Variants in EIF3B observed in about 807,000 individuals in gnomAD.
The protein encoded by EIF3B is eukaryotic translation initiation factor 3 subunit 9.
Under a neutral mutation model 104.6 loss-of-function variants are expected in EIF3B, and 10 were observed. The observed-to-expected ratio is 0.10, with a 90% CI of 0.06 to 0.16. The LOEUF is 0.16. Among genes scored for constraint, EIF3B ranks in the 10% least tolerant of loss-of-function variants. EIF3B has a pLI of 1.00. For synonymous variants in EIF3B, 542 were observed against 417.2 expected (o/e 1.30, Z -3.65); for missense variants, 1,014 against 1,087.9 (o/e 0.93, Z 0.96).
Position 2,366,697 on chromosome 7 carries a change from A to G in EIF3B, c.1356+106A>G. The G allele has an allele frequency of 4.5e-6, 6 of 1,324,568 alleles. No individual in the cohort carries two copies. The South Asian group carries it at 5.1e-5, about 11-fold the overall frequency. 82.1% of individuals were successfully genotyped at this position (1,324,568 alleles called of 1,614,324 possible). A position where few individuals can be genotyped will look rare whatever the true frequency, so the allele number is the denominator to read the frequency against. ...AGAAGAGGAGGAGGAGGTTTCACAG[A>G]TGCATAGGAAAGGCCTGTCTCCTGT... On this transcript the variant is annotated intron_variant, in intron 8 of 18. Transcript: ENST00000360876.
At chr7:2,380,076 G>T in intron 18 of EIF3B, 128 bp from the exon 19 acceptor site, 1 of 300,104 alleles carries the variant, frequency 3.3e-6, no homozygotes, top group South Asian at 2.8e-5. Flanking sequence ...GGTGGCACAC[G>T]GGCTCAGCTC....
At position 2,369,679 on chromosome 7, in the gene EIF3B, C is replaced by T; in HGVS notation, c.1611C>T (p.Thr537=). Residue 537 remains threonine (T), a synonymous_variant, in exon 10 of 19, where the codon ACC becomes ACT. Transcript: ENST00000360876. The part of the protein sequence containing the change: ...CVKVDRTPKG[T]QGVVTNFEIF... ...AAGTAGATAGGACTCCGAAAGGCAC[C>T]CAGGTATGTAGATTCCCACAGGAAC... 6.2e-7 allele frequency: 1 copy of T among 1,613,442 alleles called. No individual in the cohort carries two copies. Among genetic ancestry groups the T allele is most frequent in the South Asian group, 1.1e-5 (1 of 91,046 alleles).
At position 2,355,354 on chromosome 7, in the gene EIF3B, A is replaced by T; in HGVS notation, c.433A>T (p.Asn145Tyr). The T allele has an allele frequency of 6.5e-7, 1 of 1,539,156 alleles. No individual in the cohort carries two copies. Among genetic ancestry groups the T allele is most frequent in the Non-Finnish European group, 8.7e-7 (1 of 1,149,690 alleles). Reference sequence around the variant, plus strand: ...CGAGGCCGAACCCCGGGCGCTGGAGAACGGCGACGCGGACGAGCCCTCCTT... The same window carrying T: ...CGAGGCCGAACCCCGGGCGCTGGAGTACGGCGACGCGGACGAGCCCTCCTT... ...AAEAEPRALE[N>Y]GDADEPSFSD... The change falls in exon 1 of 19, where the codon AAC becomes TAC. Residue 145 changes from asparagine (N) to tyrosine (Y), a missense_variant. Asn to Tyr is a moderately radical substitution (Grantham distance 143, BLOSUM62 -2). This residue lies in a region of EIF3B where 488 missense variants were observed against 404.3 expected (regional missense o/e 1.21). Transcript: ENST00000360876.
intron 6 of EIF3B, among the ~76,000 whole-genome samples, chr7:2,365,670 TGTTTG>T (rs1779974809): frequency 2.1e-5 from 1 of 46,902 alleles, no homozygotes; most frequent in African/African-American, 1.3e-4. Context: ...TTTGTTTGTT[TGTTTG>T]TTTTGTTTTT....
At chr7:2,371,392 A>G (rs1780332276) in intron 10 of EIF3B, among the ~76,000 whole-genome samples, 1 of 152,222 alleles carries the variant, frequency 6.6e-6, no homozygotes, top group Admixed American at 6.5e-5. Flanking sequence ...GGTTATGGCT[A>G]CAGGACACCC....
At chr7:2,364,036 T>G (rs2115298713) in intron 5 of EIF3B, among the ~76,000 whole-genome samples, 1 of 152,126 alleles carries the variant, frequency 6.6e-6, no homozygotes, top group African/African-American at 2.4e-5. Context: ...CCAAGGTGGG[T>G]GGATCACGAG....
chr7:2,378,003 C>G (rs1780754360), intron 15 of EIF3B: 1 of 41,926 alleles, frequency 2.4e-5, no homozygotes, highest in Admixed American at 3.2e-4. Context: ...GCGAGCTCTC[C>G]TGGGATGCTG....
intron 6 of EIF3B, 70 bp from the exon 7 acceptor site, chr7:2,366,247 T>C: frequency 6.7e-7 from 1 of 1,490,834 alleles, no homozygotes; most frequent in East Asian, 2.3e-5. Flanking sequence ...CGGCGTGTTC[T>C]GGCCGCACAG....
At chr7:2,366,887 C>T in intron 8 of EIF3B, 112 bp from the exon 9 acceptor site, 1 of 1,147,582 alleles carries the variant, frequency 8.7e-7, no homozygotes. Flanking sequence ...GTGTGCACTG[C>T]CCCCTAGGCA....
At position 2,363,876 on chromosome 7, in the gene EIF3B, A is replaced by C. The variant is rs1051612634; in HGVS notation, c.999+116A>C. 3.5e-5 allele frequency: 44 copies of C among 1,269,514 alleles called. No individual in the cohort carries two copies. In the Admixed American group the frequency reaches 1.2e-3, roughly 33 times the overall value. The allele number at this position is 1,269,514 out of a possible 1,614,324, so 78.6% of individuals were successfully genotyped here. A position where few individuals can be genotyped will look rare whatever the true frequency, so the allele number is the denominator to read the frequency against. On this transcript the variant is annotated intron_variant, in intron 5 of 18. Transcript: ENST00000360876. ...AGCAGGTGACGTTATATTTTCTTTG[A>C]GATTACTTTCTGAAAACAACTTCTT...
rs1303528985 is a variant in EIF3B at position 2,376,706 on chromosome 7, T to A, written c.2029-244T>A. On this transcript the variant is annotated intron_variant, in intron 14 of 18. Coordinates refer to ENST00000360876, the MANE Select transcript of EIF3B (RefSeq NM_001037283.2). ...ATGGGGTTCTTATTGCCAGCCAGAA[T>A]GTGCAGGCCTGTGCTGTGATGAGCG... The A allele has an allele frequency of 1.6e-5, 7 of 443,226 alleles. No homozygotes were observed. In the East Asian group the frequency reaches 2.7e-4, roughly 17 times the overall value. 27.5% of individuals were successfully genotyped at this position (443,226 alleles called of 1,614,324 possible). A position where few individuals can be genotyped will look rare whatever the true frequency, so the allele number is the denominator to read the frequency against.
At chr7:2,363,005 GC>G in intron 3 of EIF3B, 64 bp from the exon 4 acceptor site, 1 of 1,578,044 alleles carries the variant, frequency 6.3e-7, no homozygotes. Context: ...CCATGCTGGA[GC>G]CCCCACGAGT....
rs58174334 is a variant in EIF3B at position 2,360,759 on chromosome 7, C to T, written c.549C>T (p.Ile183=). The change falls in exon 2 of 19, where the codon ATC becomes ATT. Residue 183 remains isoleucine (I), a synonymous_variant. Coordinates refer to ENST00000360876, the MANE Select transcript of EIF3B (RefSeq NM_001037283.2). The part of the protein sequence containing the change: ...LKDRPQEADG[I]DSVIVVDNVP... The stretch of plus-strand genomic sequence containing the variant: ...ATCGGCCCCAGGAAGCAGATGGAAT[C>T]GATTCGGTGATTGTAGTGGACAATG... 2.7e-3 allele frequency: 4,376 copies of T among 1,600,756 alleles called. 28 individuals carry two copies. In the African/African-American group the frequency reaches 0.028, roughly 10 times the overall value.
intron 12 of EIF3B, 96 bp from the exon 13 acceptor site, chr7:2,374,432 A>G (rs1780526853): frequency 2.5e-6 from 3 of 1,199,066 alleles, no homozygotes; most frequent in Non-Finnish European, 2.4e-6. Flanking sequence ...CTCTGCCCTC[A>G]TGGGCAGCAT....
chr7:2,369,204 A>G (rs1780188874), intron 9 of EIF3B, among the ~76,000 whole-genome samples: 1 of 152,154 alleles, frequency 6.6e-6, no homozygotes, highest in African/African-American at 2.4e-5. Context: ...TGGAGTCCAT[A>G]TGAGTCTGTG....
chr7:2,367,631 G>A (rs1439427117), intron 9 of EIF3B, among the ~76,000 whole-genome samples: 4 of 151,084 alleles, frequency 2.6e-5, no homozygotes, highest in African/African-American at 9.8e-5. Flanking sequence ...CACCAAGCCC[G>A]GCTAATTTTT....
intron 1 of EIF3B, among the ~76,000 whole-genome samples, chr7:2,355,709 T>A (rs1396514913): frequency 1.3e-5 from 2 of 152,192 alleles, no homozygotes; most frequent in East Asian, 1.9e-4. Context: ...AGAGGGCACA[T>A]GGGGTACTCC....
At chr7:2,365,657 T>C (rs1212437308) in intron 6 of EIF3B, among the ~76,000 whole-genome samples, 1 of 99,980 alleles carries the variant, frequency 1.0e-5, no homozygotes, top group South Asian at 2.7e-4. Context: ...GTTTTTTTGT[T>C]TGTTTGTTTG....
Position 2,355,214 on chromosome 7 carries a change from A to C in EIF3B, c.293A>C (p.Glu98Ala), listed in dbSNP as rs1324879697. 1.3e-6 allele frequency: 2 copies of C among 1,491,786 alleles called. No homozygotes were observed. The highest frequency in any genetic ancestry group is 2.9e-5 in the African/African-American group (2 of 68,414). The allele number at this position is 1,491,786 out of a possible 1,614,324, so 92.4% of individuals were successfully genotyped here. ...GAGGAGCTGCCCGGGTCGCATGCTG[A>C]GCCCCCTGTCCCGGCACAGGGCGAG... is the stretch of plus-strand genomic sequence containing the variant. ...AAEELPGSHA[E>A]PPVPAQGEAP... Residue 98 changes from glutamate to alanine, a missense_variant, in exon 1 of 19, where the codon GAG becomes GCG. Physicochemically the swap from Glu to Ala is moderately radical, Grantham distance 107. Coordinates refer to ENST00000360876, the MANE Select transcript of EIF3B (RefSeq NM_001037283.2).
Sources: allele counts gnomAD v4.1 joint callset (sites outside exome capture counted in the v4.1 genomes callset), GRCh38; gene constraint gnomAD v4.1.1; regional missense constraint gnomAD v4.1.1; transcripts MANE v1.5; gene names NCBI Gene and HGNC (gene_info 2026-07-23, HGNC 2026-07-21).